Variants in HSBP1 observed in about 807,000 individuals in gnomAD.
The protein encoded by HSBP1 is heat shock factor-binding protein 1.
A neutral mutation model predicts 9.6 loss-of-function variants in HSBP1; 5 were observed. The ratio of observed to expected loss-of-function variants is 0.52; its 90% CI spans 0.27 to 1.09. The LOEUF (loss-of-function observed/expected upper bound fraction) is 1.09. HSBP1 is among the 50% of genes least tolerant of loss of function. The pLI, the probability that HSBP1 is intolerant of heterozygous loss-of-function variation, is 0.11. For synonymous variants in HSBP1, 42 were observed against 33.3 expected (o/e 1.26, Z -0.90); for missense variants, 121 against 96.3 (o/e 1.26, Z -1.07).
intron 2 of HSBP1, 96 bp downstream of exon 2, chr16:83,808,842 A>C (rs1904527534): frequency 2.3e-6 from 2 of 861,250 alleles, no homozygotes; most frequent in Non-Finnish European, 3.7e-6. Context: ...GGCTAGCTTC[A>C]GCCATTCACT....
rs575494976 is a variant in HSBP1, at chr16:83,818,393, T to A, written c.*6975T>A. On this transcript the variant is annotated 3_prime_UTR_variant, in exon 4 of 4. Transcript: ENST00000433866. The stretch of plus-strand genomic sequence containing the variant: ...TGACCCCAGACATTGTTCCCTGCCA[T>A]CCACTCTGCCAGACATTTCTTGGAT... The A allele has an allele frequency of 3.8e-4, 58 of 152,340 alleles. No individual in the cohort carries two copies. Among genetic ancestry groups the A allele is most frequent in the African/African-American group, 1.3e-3 (53 of 41,578 alleles). 9.4% of individuals were successfully genotyped at this position (152,340 alleles called of 1,614,324 possible).
In HSBP1 at chr16:83,809,322, C is replaced by T. The variant is rs780323241; in HGVS notation, c.130C>T (p.Arg44Cys). Residue 44 changes from arginine (R) to cysteine (C), a missense_variant, in exon 3 of 4, where the codon CGC becomes TGC. By Grantham distance (180) the Arg-to-Cys change is radical. Transcript: ENST00000433866. Reference protein sequence around the residue: ...IIGRIDDMSSRIDDLEKNIAD... With the variant: ...IIGRIDDMSSCIDDLEKNIAD... The stretch of plus-strand genomic sequence containing the variant: ...TTCAGCACTTGATGATATGAGTAGT[C>T]GCATTGATGATCTGGAAAAGAATAT... 1.9e-6 allele frequency: 3 copies of T among 1,594,004 alleles called. No individual in the cohort carries two copies. The highest frequency in any genetic ancestry group is 2.6e-6 in the Non-Finnish European group (3 of 1,168,880).
Position 83,815,861 on chromosome 16 carries a change from A to G in HSBP1, c.*4443A>G, listed in dbSNP as rs1904708112. The G allele has an allele frequency of 6.6e-6, 1 of 152,202 alleles. No homozygotes were observed. The highest frequency in any genetic ancestry group is 1.5e-5 in the Non-Finnish European group (1 of 68,038). 9.4% of individuals were successfully genotyped at this position (152,202 alleles called of 1,614,324 possible). A position where few individuals can be genotyped will look rare whatever the true frequency, so the allele number is the denominator to read the frequency against. ...GTCAAATTCTGTGTCTCTACCGTAGAAAACAGAATTTGACCATTTAGTCAC... is the reference window on the plus strand; with the variant it reads ...GTCAAATTCTGTGTCTCTACCGTAGGAAACAGAATTTGACCATTTAGTCAC... On this transcript the variant is annotated 3_prime_UTR_variant, in exon 4 of 4. Coordinates refer to ENST00000433866, the MANE Select transcript of HSBP1 (RefSeq NM_001537.4).
In HSBP1 at chr16:83,814,337, G is replaced by A. The variant is rs973654844; in HGVS notation, c.*2919G>A. 5 of 152,250 alleles carry A rather than the reference G, an allele frequency of 3.3e-5. No individual in the cohort carries two copies. Among genetic ancestry groups the A allele is most frequent in the African/African-American group, 9.7e-5 (4 of 41,444 alleles). 9.4% of individuals were successfully genotyped at this position (152,250 alleles called of 1,614,324 possible). A position where few individuals can be genotyped will look rare whatever the true frequency, so the allele number is the denominator to read the frequency against. The stretch of plus-strand genomic sequence containing the variant: ...CAACACTGAGAGGTTTTCATTTGAT[G>A]AGTCATATTTAAAGAAAAGGAACCC... On this transcript the variant is annotated 3_prime_UTR_variant, in exon 4 of 4. Coordinates refer to ENST00000433866, the MANE Select transcript of HSBP1 (RefSeq NM_001537.4).
chr16:83,815,469 A>T lies in HSBP1; in HGVS notation c.*4051A>T, dbSNP rs1904697816. 1 of 150,164 alleles carries T rather than the reference A, an allele frequency of 6.7e-6. No individual in the cohort carries two copies. Among genetic ancestry groups the T allele is most frequent in the South Asian group, 2.1e-4 (1 of 4,744 alleles). The allele number at this position is 150,164 out of a possible 1,614,324, so 9.3% of individuals were successfully genotyped here. A position where few individuals can be genotyped will look rare whatever the true frequency, so the allele number is the denominator to read the frequency against. On this transcript the variant is annotated 3_prime_UTR_variant, in exon 4 of 4. Coordinates refer to ENST00000433866, the MANE Select transcript of HSBP1 (RefSeq NM_001537.4). ...CGAGGTTGCAGTGAGCTGTGATCGG[A>T]CGACTCCACTCCAGCCGGGGTGACA...
Position 83,817,483 on chromosome 16 carries a change from A to G in HSBP1, c.*6065A>G, listed in dbSNP as rs1450268713. 1 of 152,020 alleles carries G rather than the reference A, an allele frequency of 6.6e-6. No individual in the cohort carries two copies. The highest frequency in any genetic ancestry group is 1.5e-5 in the Non-Finnish European group (1 of 68,020). 9.4% of individuals were successfully genotyped at this position (152,020 alleles called of 1,614,324 possible). On this transcript the variant is annotated 3_prime_UTR_variant, in exon 4 of 4. Coordinates refer to ENST00000433866, the MANE Select transcript of HSBP1 (RefSeq NM_001537.4). ...TGCTTTCACCTGTATCATCTCATTC[A>G]CTGCTCAGAGGCTCTCGAAAGCTGT...
At chr16:83,808,602 C>A in intron 1 of HSBP1, 78 bp from the exon 2 acceptor site, 2 of 1,146,190 alleles carry the variant, frequency 1.7e-6, no homozygotes, top group East Asian at 2.5e-5. Context: ...AACCCCGGGA[C>A]CAGGGCTTGC....
chr16:83,817,791 T>G lies in HSBP1; in HGVS notation c.*6373T>G, dbSNP rs1904754716. ...ATGGCTGTTTCTTTTAACAGTGCAT[T>G]CTCCTGAAAACATAAGACCATTTGA... On this transcript the variant is annotated 3_prime_UTR_variant, in exon 4 of 4. Transcript: ENST00000433866. 6.6e-6 allele frequency: 1 copy of G among 152,192 alleles called. No homozygotes were observed. The highest frequency in any genetic ancestry group is 2.1e-4 in the South Asian group (1 of 4,832). The allele number at this position is 152,192 out of a possible 1,614,324, so 9.4% of individuals were successfully genotyped here. A position where few individuals can be genotyped will look rare whatever the true frequency, so the allele number is the denominator to read the frequency against.
In HSBP1 at chr16:83,816,729, T is replaced by G. The variant is rs1334230737; in HGVS notation, c.*5311T>G. ...ACAGGACAACCCTCACCCCAAAGAG[T>G]GGCACAGCCCCAAGTGTCAACAGTG... On this transcript the variant is annotated 3_prime_UTR_variant, in exon 4 of 4. Transcript: ENST00000433866. 1 of 151,946 alleles carries G rather than the reference T, an allele frequency of 6.6e-6. No homozygotes were observed. Among genetic ancestry groups the G allele is most frequent in the East Asian group, 1.9e-4 (1 of 5,154 alleles). 9.4% of individuals were successfully genotyped at this position (151,946 alleles called of 1,614,324 possible).
intron 3 of HSBP1, among the ~76,000 whole-genome samples, 156 bp downstream of exon 3, chr16:83,809,581 T>C (rs1267969015): frequency 6.6e-6 from 1 of 150,648 alleles, no homozygotes; most frequent in Non-Finnish European, 1.5e-5. Flanking sequence ...ACGATTGTCC[T>C]GCCTCAGCCT....
rs1380319647 is a variant in HSBP1, at chr16:83,817,526, T to G, written c.*6108T>G. 2.0e-5 allele frequency: 3 copies of G among 152,216 alleles called. No individual in the cohort carries two copies. Among genetic ancestry groups the G allele is most frequent in the African/African-American group, 7.2e-5 (3 of 41,452 alleles). 9.4% of individuals were successfully genotyped at this position (152,216 alleles called of 1,614,324 possible). A position where few individuals can be genotyped will look rare whatever the true frequency, so the allele number is the denominator to read the frequency against. On this transcript the variant is annotated 3_prime_UTR_variant, in exon 4 of 4. Transcript: ENST00000433866. ...AAAGCTGTTGACATTATCAAAAAGT[T>G]TTCCAGCTGGAATTCATCTCCCTCT...
At chr16:83,809,059 C>A (rs1238796608) in intron 2 of HSBP1, 1 of 545,848 alleles carries the variant, frequency 1.8e-6, no homozygotes, top group African/African-American at 1.9e-5. Context: ...GTAGTGTTAT[C>A]ATCTTTAGCA....
intron 2 of HSBP1, 28 bp from the exon 3 acceptor site, chr16:83,809,277 T>C (rs1163294859): frequency 7.3e-7 from 1 of 1,375,056 alleles, no homozygotes; most frequent in East Asian, 2.4e-5. Flanking sequence ...AATGAGATGT[T>C]GGCACGCGTT....
rs1904667689 is a variant in HSBP1 at position 83,814,217 on chromosome 16, C to T, written c.*2799C>T. The T allele has an allele frequency of 6.6e-6, 1 of 152,200 alleles. No individual in the cohort carries two copies. The highest frequency in any genetic ancestry group is 2.1e-4 in the South Asian group (1 of 4,828). 9.4% of individuals were successfully genotyped at this position (152,200 alleles called of 1,614,324 possible). A position where few individuals can be genotyped will look rare whatever the true frequency, so the allele number is the denominator to read the frequency against. ...CTGAAAGTTAACTGGTTACAGTTAC[C>T]AAATGTTCACAGCTAGCGCCATTGA... On this transcript the variant is annotated 3_prime_UTR_variant, in exon 4 of 4. Coordinates refer to ENST00000433866, the MANE Select transcript of HSBP1 (RefSeq NM_001537.4).
chr16:83,808,893 G>C (rs1904528874), intron 2 of HSBP1, 147 bp downstream of exon 2: 1 of 660,918 alleles, frequency 1.5e-6, no homozygotes, highest in Non-Finnish European at 2.6e-6. Context: ...TTCTGAGAAG[G>C]ACTGCGCCGA....
In HSBP1 at chr16:83,811,666, A is replaced by G. The variant is rs1373034643; in HGVS notation, c.*248A>G. The G allele has an allele frequency of 2.6e-5, 4 of 152,250 alleles. No individual in the cohort carries two copies. The highest frequency in any genetic ancestry group is 2.0e-4 in the Admixed American group (3 of 15,290). 9.4% of individuals were successfully genotyped at this position (152,250 alleles called of 1,614,324 possible). On this transcript the variant is annotated 3_prime_UTR_variant, in exon 4 of 4. Coordinates refer to ENST00000433866, the MANE Select transcript of HSBP1 (RefSeq NM_001537.4). ...ACACTAAAACTTTGGCGGTTCTTGC[A>G]TAACATTGTCAGATTTTTTAGTGTA...
In HSBP1 at chr16:83,812,944, G is replaced by A. The variant is rs1374445313; in HGVS notation, c.*1526G>A. The A allele has an allele frequency of 2.0e-5, 3 of 152,220 alleles. No individual in the cohort carries two copies. The highest frequency in any genetic ancestry group is 4.4e-5 in the Non-Finnish European group (3 of 68,044). 9.4% of individuals were successfully genotyped at this position (152,220 alleles called of 1,614,324 possible). On this transcript the variant is annotated 3_prime_UTR_variant, in exon 4 of 4. Coordinates refer to ENST00000433866, the MANE Select transcript of HSBP1 (RefSeq NM_001537.4). Reference sequence around the variant, plus strand: ...AATGGAACGATTTCAAAGGCAGGCTGCCCTGACCAAAAATATCTGCCATGA... The same window carrying A: ...AATGGAACGATTTCAAAGGCAGGCTACCCTGACCAAAAATATCTGCCATGA...
intron 1 of HSBP1, 84 bp from the exon 2 acceptor site, chr16:83,808,596 C>A: frequency 9.0e-7 from 1 of 1,108,410 alleles, no homozygotes; most frequent in South Asian, 1.4e-5. Flanking sequence ...GGCTGGAACC[C>A]CGGGACCAGG....
At chr16:83,808,368 C>T (rs1904511770) in intron 1 of HSBP1, 3 of 552,468 alleles carry the variant, frequency 5.4e-6, no homozygotes, top group Non-Finnish European at 6.3e-6. Flanking sequence ...CGCGAACGCC[C>T]TCCGGGTCCC....
Sources: allele counts gnomAD v4.1 joint callset (sites outside exome capture counted in the v4.1 genomes callset), GRCh38; gene constraint gnomAD v4.1.1; transcripts MANE v1.5; gene names NCBI Gene and HGNC (gene_info 2026-07-23, HGNC 2026-07-21).